The following CREB5 variants were observed in gnomAD, a reference collection of about 807,000 sequenced individuals.
CREB5 encodes the protein cAMP responsive element binding protein 5, also known as cyclic AMP-responsive element-binding protein 5.
Under a neutral mutation model 57.1 loss-of-function variants are expected in CREB5, and 19 were observed. The ratio of observed to expected loss-of-function variants is 0.33; its 90% CI spans 0.23 to 0.49. CREB5 has a LOEUF of 0.49. Ranked by LOEUF, CREB5 falls within the 20% of genes least tolerant of loss-of-function variation. The pLI is 0.99. For missense variants in CREB5, 579 were observed against 671.6 expected (o/e 0.86, Z 1.52); for synonymous variants, 238 against 238.3 (o/e 1.00, Z 0.01).
intron 4 of CREB5, among the ~76,000 whole-genome samples, chr7:28,568,729 C>T (rs183941024): frequency 1.3e-5 from 2 of 152,130 alleles, no homozygotes; most frequent in Non-Finnish European, 2.9e-5. Flanking sequence ...GCCAGGTGCC[C>T]AGTTTCCATC....
chr7:28,596,727 T>C (rs186778311), intron 5 of CREB5, among the ~76,000 whole-genome samples: 470 of 152,300 alleles, frequency 3.1e-3, no homozygotes, highest in Non-Finnish European at 5.4e-3. Context: ...CCCTAAAATG[T>C]GGATAAGCAA....
intron 5 of CREB5, among the ~76,000 whole-genome samples, chr7:28,693,151 T>C (rs1406436474): frequency 2.0e-5 from 3 of 152,220 alleles, no homozygotes; most frequent in African/African-American, 7.2e-5. Context: ...TGGTTTTTTT[T>C]CTATTTTCCA....
chr7:28,474,882 TC>T (rs1235030899), intron 1 of CREB5, among the ~76,000 whole-genome samples: 4 of 152,214 alleles, frequency 2.6e-5, no homozygotes, highest in African/African-American at 9.6e-5. Flanking sequence ...ATCAAGGCTT[TC>T]TTTCAGCCTT....
At chr7:28,628,852 TAC>T (rs1798099880) in intron 5 of CREB5, among the ~76,000 whole-genome samples, 3 of 152,316 alleles carry the variant, frequency 2.0e-5, no homozygotes, top group Admixed American at 1.3e-4. Context: ...GTTCATGAAC[TAC>T]AGTCTAGCTG....
Position 28,419,533 on chromosome 7 carries a change from A to T in CREB5, c.3+6616A>T, listed in dbSNP as rs376590088. 4.4e-4 allele frequency among the ~76,000 whole-genome samples: 67 copies of T among 152,374 alleles called. 2 individuals carry two copies. Among genetic ancestry groups the T allele is most frequent in the African/African-American group, 1.6e-3 (66 of 41,598 alleles). On this transcript the variant is annotated intron_variant, in intron 1 of 10. Coordinates refer to ENST00000357727, the MANE Select transcript of CREB5 (RefSeq NM_182898.4). ...TTATTTTGGATTCTTTCCTCCAAGC[A>T]TCATGCTAAATTTAAAGCAATTTTA... is the stretch of plus-strand genomic sequence containing the variant.
chr7:28,400,958 A>G (rs1329218856), intron 1 of CREB5, among the ~76,000 whole-genome samples: 1 of 152,218 alleles, frequency 6.6e-6, no homozygotes, highest in Non-Finnish European at 1.5e-5. Context: ...TATATAAAAC[A>G]TTCCTAATTA....
chr7:28,323,991 C>G (rs747047070), intron 1 of CREB5, among the ~76,000 whole-genome samples: 2 of 152,112 alleles, frequency 1.3e-5, no homozygotes, highest in Non-Finnish European at 2.9e-5. Context: ...CTATGAGAAT[C>G]CAATGCCCGT....
intron 5 of CREB5, among the ~76,000 whole-genome samples, chr7:28,674,805 C>T (rs908850445): frequency 1.3e-5 from 2 of 152,212 alleles, no homozygotes; most frequent in Non-Finnish European, 2.9e-5. Context: ...GCAATTAATG[C>T]AATTTTCTTA....
intron 1 of CREB5, among the ~76,000 whole-genome samples, chr7:28,454,969 C>T (rs1790023358): frequency 6.6e-6 from 1 of 152,098 alleles, no homozygotes; most frequent in Admixed American, 6.5e-5. Context: ...ATGGAGCTTC[C>T]CCTGTAATTG....
At chr7:28,731,511 CA>C (rs1322432397) in intron 7 of CREB5, among the ~76,000 whole-genome samples, 1 of 152,070 alleles carries the variant, frequency 6.6e-6, no homozygotes, top group Non-Finnish European at 1.5e-5. Context: ...ATTCTTTTGG[CA>C]AAATCGTTTC....
chr7:28,300,861 A>G lies in CREB5; in HGVS notation c.-25+1420A>G, dbSNP rs139511185. ...ACTCCTGAATAGTGGTTGTCAAAGT[A>G]TGGTCCACAGACACACAAAACCTTG... On this transcript the variant is annotated intron_variant, in intron 1 of 9. Transcript: ENST00000396299. Among the ~76,000 whole-genome samples the G allele has an allele frequency of 5.3e-4, 81 of 152,274 alleles. No individual in the cohort carries two copies. The East Asian group carries it at 0.012, about 22-fold the overall frequency.
At chr7:28,568,965 AT>A (rs999412764) in intron 4 of CREB5, among the ~76,000 whole-genome samples, 1 of 151,898 alleles carries the variant, frequency 6.6e-6, no homozygotes, top group Non-Finnish European at 1.5e-5. Context: ...ACAGATACAT[AT>A]TTTTTCTTTA....
chr7:28,349,085 T>C (rs902897626), intron 1 of CREB5, among the ~76,000 whole-genome samples: 1 of 152,176 alleles, frequency 6.6e-6, no homozygotes, highest in African/African-American at 2.4e-5. Flanking sequence ...AGCTCCATAA[T>C]TCCAGGCTCT....
chr7:28,333,185 A>T (rs995578891), intron 1 of CREB5, among the ~76,000 whole-genome samples: 6 of 152,248 alleles, frequency 3.9e-5, no homozygotes, highest in African/African-American at 1.4e-4. Flanking sequence ...TTTTTACGTA[A>T]CTGTAATCTA....
intron 7 of CREB5, among the ~76,000 whole-genome samples, chr7:28,755,936 G>C (rs1805271156): frequency 1.3e-5 from 2 of 151,420 alleles, no homozygotes; most frequent in Non-Finnish European, 1.5e-5. Context: ...TATGTGCTGG[G>C]TTCCATGATA....
At chr7:28,685,195 C>G (rs1800806835) in intron 5 of CREB5, among the ~76,000 whole-genome samples, 1 of 152,158 alleles carries the variant, frequency 6.6e-6, no homozygotes, top group South Asian at 2.1e-4. Flanking sequence ...TAAGGGAGAA[C>G]TTGTCTTCCT....
At chr7:28,379,223 A>C (rs1474114933) in intron 1 of CREB5, among the ~76,000 whole-genome samples, 2 of 152,246 alleles carry the variant, frequency 1.3e-5, no homozygotes, top group African/African-American at 4.8e-5. Flanking sequence ...GGTGATGCTG[A>C]GTAATGATGC....
chr7:28,732,321 G>A (rs1562602564), intron 7 of CREB5, among the ~76,000 whole-genome samples: 1 of 152,112 alleles, frequency 6.6e-6, no homozygotes, highest in Non-Finnish European at 1.5e-5. Context: ...CTGTCACCCA[G>A]CCCAGCACGC....
intron 4 of CREB5, among the ~76,000 whole-genome samples, chr7:28,560,951 CGTGTGTGTGCGTGT>C: frequency 2.6e-5 from 1 of 38,982 alleles, no homozygotes; most frequent in African/African-American, 8.1e-5. Flanking sequence ...CGTGTGTGTG[CGTGTGTGTGCGTGT>C]GTGTGTGCGT....
Sources: allele counts gnomAD v4.1 joint callset (sites outside exome capture counted in the v4.1 genomes callset), GRCh38; gene constraint gnomAD v4.1.1; transcripts MANE v1.5; gene names NCBI Gene and HGNC (gene_info 2026-07-23, HGNC 2026-07-21).